Variants in ZCCHC14 observed in about 807,000 individuals in gnomAD.
The protein encoded by ZCCHC14 is zinc finger CCHC domain-containing protein 14.
In ZCCHC14, 16 loss-of-function variants were observed where a neutral mutation model predicts 85.0. That is an observed-to-expected ratio of 0.19 (90% CI 0.13 to 0.29). The LOEUF (loss-of-function observed/expected upper bound fraction) is 0.29, where lower values mean the gene tolerates loss of function less well. Ranked by LOEUF, ZCCHC14 falls within the 10% of genes least tolerant of loss-of-function variation. ZCCHC14 has a pLI of 1.00. For missense variants in ZCCHC14, 1,303 were observed against 1,443.5 expected, an observed-to-expected ratio of 0.90 and a Z score of 1.58; for synonymous variants, 775 against 630.7, an observed-to-expected ratio of 1.23 and a Z score of -3.43.
At chr16:87,454,957 G>A (rs1004483246) in intron 2 of ZCCHC14, among the ~76,000 whole-genome samples, 2 of 152,198 alleles carry the variant, frequency 1.3e-5, no homozygotes, top group African/African-American at 4.8e-5. Context: ...CTGACGACAT[G>A]CCACCATCAG....
At chr16:87,437,337 CAAAAAAAAAAAA>C (rs34871367) in intron 2 of ZCCHC14, among the ~76,000 whole-genome samples, 98 of 57,736 alleles carry the variant, frequency 1.7e-3, no homozygotes, top group East Asian at 7.2e-3. Flanking sequence ...AATTCCATCT[CAAAAAAAAAAAA>C]AAAAAAAAAA....
Position 87,412,237 on chromosome 16 carries a change from C to G in ZCCHC14, c.2484G>C (p.Met828Ile), listed in dbSNP as rs753297912. The G allele has an allele frequency of 1.3e-5, 21 of 1,612,386 alleles. No individual in the cohort carries two copies. The highest frequency in any genetic ancestry group is 1.8e-5 in the Non-Finnish European group (21 of 1,178,792). ...TKVAFSAMSSMPVGPLQGGFC... is the reference protein window; with the variant it reads ...TKVAFSAMSSIPVGPLQGGFC... ...AGCCACCCTGCAGGGGGCCCACTGGCATACTGCTCATTGCAGAAAAGGCAA... is the reference window on the plus strand; with the variant it reads ...AGCCACCCTGCAGGGGGCCCACTGGGATACTGCTCATTGCAGAAAAGGCAA... Residue 828 changes from methionine (M) to isoleucine (I), a missense_variant, in exon 12 of 13, where the codon ATG becomes ATC. Transcript: ENST00000671377.
intron 3 of ZCCHC14, among the ~76,000 whole-genome samples, chr16:87,428,329 A>G (rs537088025): frequency 2.0e-5 from 3 of 152,296 alleles, no homozygotes; most frequent in Non-Finnish European, 2.9e-5. Flanking sequence ...AAGTTTTTAG[A>G]AAAAAACGTT....
intron 3 of ZCCHC14, among the ~76,000 whole-genome samples, chr16:87,427,400 T>C (rs1249280086): frequency 1.3e-5 from 2 of 152,320 alleles, no homozygotes; most frequent in South Asian, 2.1e-4. Flanking sequence ...TCAGTGTTGC[T>C]TGGGGTATGA....
intron 10 of ZCCHC14, among the ~76,000 whole-genome samples, chr16:87,414,010 A>G (rs1908629700): frequency 6.6e-6 from 1 of 152,280 alleles, no homozygotes; most frequent in Non-Finnish European, 1.5e-5. Context: ...GAAAATGAGT[A>G]TAAAGATTTA....
chr16:87,455,515 G>A (rs564181905), intron 2 of ZCCHC14, among the ~76,000 whole-genome samples: 11 of 152,292 alleles, frequency 7.2e-5, no homozygotes, highest in African/African-American at 1.4e-4. Context: ...AAGTCCTAGC[G>A]TCCTACAGAA....
intron 2 of ZCCHC14, among the ~76,000 whole-genome samples, chr16:87,448,450 C>T (rs947011737): frequency 6.6e-6 from 1 of 152,196 alleles, no homozygotes; most frequent in Non-Finnish European, 1.5e-5. Context: ...TCTGCCCTTT[C>T]GTGTGAAGAC....
chr16:87,420,747 G>T lies in ZCCHC14; in HGVS notation c.841-31C>A. 2.6e-6 allele frequency: 4 copies of T among 1,566,680 alleles called. No homozygotes were observed. The highest frequency in any genetic ancestry group is 2.6e-6 in the Non-Finnish European group (3 of 1,151,866). ...AGAGAGGACAAGGTAGAGGAGGTGT[G>T]TCCAGACCCATCCAACACCAGCAGA... On this transcript the variant is annotated intron_variant, in intron 4 of 12. Coordinates refer to ENST00000671377, the MANE Select transcript of ZCCHC14 (RefSeq NM_015144.3). This position sits in a 1 kb window ranked among gnomAD's most constrained non-coding sequence, Gnocchi z 5.0.
chr16:87,470,111 A>G (rs1009376464), intron 1 of ZCCHC14, among the ~76,000 whole-genome samples: 4 of 151,660 alleles, frequency 2.6e-5, no homozygotes, highest in Non-Finnish European at 5.9e-5. Context: ...GACAGGTGGA[A>G]CTCCTGAGGT....
In ZCCHC14 at chr16:87,491,846, C is replaced by G; in HGVS notation, c.393G>C (p.Glu131Asp). The change falls in exon 1 of 13, where the codon GAG becomes GAC. Residue 131 changes from glutamate (E) to aspartate (D), a missense_variant. By Grantham distance (45) the Glu-to-Asp change is conservative. Around this residue, in one of 7 missense-constraint regions of ZCCHC14, gnomAD observed 389 missense variants for 397.8 expected, o/e 0.98. Transcript: ENST00000671377. This position sits in a 1 kb window ranked among gnomAD's most constrained non-coding sequence, Gnocchi z 5.9. The stretch of plus-strand genomic sequence containing the variant: ...AGGCCATGGTGAACAGCAGCAGGAA[C>G]TCATCGCCCGTGCGGCCCTCGTTAA... Reference protein sequence around the residue: ...LQLNEGRTGDEFLLLFTMASN... With the variant: ...LQLNEGRTGDDFLLLFTMASN... 2 of 1,574,708 alleles carry G rather than the reference C, an allele frequency of 1.3e-6. No homozygotes were observed. Among genetic ancestry groups the G allele is most frequent in the Non-Finnish European group, 1.7e-6 (2 of 1,166,120 alleles).
intron 2 of ZCCHC14, among the ~76,000 whole-genome samples, chr16:87,436,458 G>C (rs981691530): frequency 1.3e-5 from 2 of 152,274 alleles, no homozygotes; most frequent in African/African-American, 4.8e-5. Flanking sequence ...GGCACAAGGA[G>C]TGAGGGGCCG....
intron 1 of ZCCHC14, among the ~76,000 whole-genome samples, chr16:87,485,861 G>T (rs1912493207): frequency 6.6e-6 from 1 of 152,088 alleles, no homozygotes; most frequent in South Asian, 2.1e-4. Context: ...AGAGAAAATG[G>T]GTAAACTAAA....
intron 2 of ZCCHC14, among the ~76,000 whole-genome samples, chr16:87,439,136 T>TC (rs1910066554): frequency 7.7e-6 from 1 of 130,548 alleles, no homozygotes; most frequent in South Asian, 3.6e-4. Flanking sequence ...TCATACAAGT[T>TC]CTTTTTTTTT....
At chr16:87,424,392 G>T (rs575401680) in intron 3 of ZCCHC14, among the ~76,000 whole-genome samples, 424 of 152,296 alleles carry the variant, frequency 2.8e-3, no homozygotes, top group African/African-American at 9.5e-3. Context: ...TCCATTGATA[G>T]CAACAGGACA....
intron 2 of ZCCHC14, among the ~76,000 whole-genome samples, chr16:87,444,885 G>A (rs189532666): frequency 6.6e-6 from 1 of 152,052 alleles, no homozygotes; most frequent in African/African-American, 2.4e-5. Flanking sequence ...ATTAGAGGGT[G>A]GTGACATCTC....
intron 1 of ZCCHC14, among the ~76,000 whole-genome samples, chr16:87,485,007 A>C (rs1277308317): frequency 6.6e-6 from 1 of 152,198 alleles, no homozygotes; most frequent in Non-Finnish European, 1.5e-5. Context: ...AGAGAAACTA[A>C]GGAGGTGTCC....
At chr16:87,438,247 C>T (rs1284605063) in intron 2 of ZCCHC14, among the ~76,000 whole-genome samples, 1 of 152,282 alleles carries the variant, frequency 6.6e-6, no homozygotes, top group African/African-American at 2.4e-5. Flanking sequence ...GGACGGCGTG[C>T]ACGGGGGCTG....
chr16:87,415,583 G>C (rs946142740), intron 8 of ZCCHC14, among the ~76,000 whole-genome samples: 1 of 152,220 alleles, frequency 6.6e-6, no homozygotes. Context: ...TTCTGAGCAA[G>C]AGTGTCCCCG....
rs200756387 is a variant in ZCCHC14, at chr16:87,420,579, C to T, written c.950+28G>A. 1.3e-3 allele frequency: 2,124 copies of T among 1,578,286 alleles called. 1 individual carries two copies. The highest frequency in any genetic ancestry group is 2.0e-3 in the Admixed American group (116 of 57,542). ...CCAGCCTGTCCTTGCCAGCTGTGGA[C>T]GCGCCGGGTGCCTGGTAAGGGCCTC... On this transcript the variant is annotated intron_variant, in intron 5 of 12. Coordinates refer to ENST00000671377, the MANE Select transcript of ZCCHC14 (RefSeq NM_015144.3). The surrounding 1 kb of genome is among the most constrained non-coding windows in gnomAD (Gnocchi z 5.0).
Sources: allele counts gnomAD v4.1 joint callset (sites outside exome capture counted in the v4.1 genomes callset), GRCh38; gene constraint gnomAD v4.1.1; regional missense constraint gnomAD v4.1.1; non-coding constraint Gnocchi (gnomAD v3.1); transcripts MANE v1.5; gene names NCBI Gene and HGNC (gene_info 2026-07-23, HGNC 2026-07-21).